CTNNA3: variants seen among roughly 807,000 people sequenced by gnomAD.
CTNNA3 encodes catenin alpha-3.
A neutral mutation model predicts 95.7 loss-of-function variants in CTNNA3; 76 were observed. That is an observed-to-expected ratio of 0.79 (90% CI 0.66 to 0.96). The LOEUF (loss-of-function observed/expected upper bound fraction) is 0.96. CTNNA3 is among the 40% of genes least tolerant of loss of function. The pLI is 0.00. For synonymous variants in CTNNA3, 431 were observed against 374.4 expected (o/e 1.15, Z -1.74); for missense variants, 1,191 against 1,089.8 (o/e 1.09, Z -1.31).
intron 3 of CTNNA3, among the ~76,000 whole-genome samples, chr10:67,577,087 T>A (rs549954319): frequency 6.6e-6 from 1 of 151,000 alleles, no homozygotes; most frequent in South Asian, 2.1e-4. Context: ...GATGGCTGGG[T>A]CAAATGGTAT....
intron 3 of CTNNA3, among the ~76,000 whole-genome samples, chr10:67,569,911 C>T (rs192013772): frequency 5.8e-4 from 88 of 152,178 alleles, no homozygotes; most frequent in African/African-American, 2.0e-3. Flanking sequence ...GACTTTTATT[C>T]TACAATTACC....
At chr10:65,931,511 AAG>A (rs1332742516) in intron 17 of CTNNA3, among the ~76,000 whole-genome samples, 1 of 152,116 alleles carries the variant, frequency 6.6e-6, no homozygotes, top group Non-Finnish European at 1.5e-5. Context: ...CTGGAGCAAC[AAG>A]GTTGTTATCT....
intron 3 of CTNNA3, among the ~76,000 whole-genome samples, chr10:67,555,463 C>A: frequency 6.6e-6 from 1 of 152,106 alleles, no homozygotes; most frequent in East Asian, 1.9e-4. Context: ...TTGAAGAGAT[C>A]CTTCACATAT....
At chr10:66,327,134 TCTAA>T (rs1484398561) in intron 12 of CTNNA3, among the ~76,000 whole-genome samples, 3 of 152,038 alleles carry the variant, frequency 2.0e-5, no homozygotes, top group Admixed American at 6.6e-5. Context: ...AATGTCAAAA[TCTAA>T]CTAACTGAAT....
chr10:67,499,191 T>C (rs529175089), intron 5 of CTNNA3, among the ~76,000 whole-genome samples: 12 of 152,142 alleles, frequency 7.9e-5, no homozygotes, highest in Non-Finnish European at 1.6e-4. Context: ...TATTGAGATA[T>C]TCATGGGTTT....
chr10:66,803,149 T>A (rs1457585859), intron 7 of CTNNA3, among the ~76,000 whole-genome samples: 1 of 152,106 alleles, frequency 6.6e-6, no homozygotes, highest in African/African-American at 2.4e-5. Context: ...GCATCGTTTT[T>A]ATCTTCTTAC....
At chr10:67,749,800 A>C (rs973328823) in intron 1 of CTNNA3, among the ~76,000 whole-genome samples, 1 of 152,222 alleles carries the variant, frequency 6.6e-6, no homozygotes, top group Non-Finnish European at 1.5e-5. Flanking sequence ...AAAGACAAGA[A>C]ATAACTAAGA....
At chr10:67,242,706 G>A (rs1213666001) in intron 5 of CTNNA3, among the ~76,000 whole-genome samples, 1 of 152,148 alleles carries the variant, frequency 6.6e-6, no homozygotes, top group Non-Finnish European at 1.5e-5. Flanking sequence ...GAAGACCTCG[G>A]AAAGATAGGA....
At chr10:66,585,557 T>C (rs1009274564) in intron 10 of CTNNA3, among the ~76,000 whole-genome samples, 1 of 151,940 alleles carries the variant, frequency 6.6e-6, no homozygotes, top group South Asian at 2.1e-4. Context: ...GGCTTTCCTT[T>C]AAAATATCCA....
At chr10:66,920,687 C>A (rs1464758607) in intron 7 of CTNNA3, among the ~76,000 whole-genome samples, 1 of 152,154 alleles carries the variant, frequency 6.6e-6, no homozygotes, top group East Asian at 1.9e-4. Context: ...AAAGCAAGAG[C>A]CAAATCCAGA....
In CTNNA3 at chr10:66,822,244, A is replaced by C. The variant is rs139743128; in HGVS notation, c.1048-46720T>G. On this transcript the variant is annotated intron_variant, in intron 7 of 17. Transcript: ENST00000433211. ...ATAAATGGTGATTCTACGGATGACA[A>C]ATATTTAATATATAAGATGTCATTT... Among the ~76,000 whole-genome samples, 810 of 151,974 alleles carry C rather than the reference A, an allele frequency of 5.3e-3. 5 individuals are homozygous for C. The highest frequency in any genetic ancestry group is 8.2e-3 in the Non-Finnish European group (556 of 67,962).
intron 7 of CTNNA3, among the ~76,000 whole-genome samples, chr10:67,082,965 C>A (rs1156509745): frequency 6.6e-6 from 1 of 152,126 alleles, no homozygotes; most frequent in African/African-American, 2.4e-5. Context: ...AACTGGATTG[C>A]TGAACCAGAC....
At chr10:66,004,531 C>T (rs2078840398) in intron 15 of CTNNA3, among the ~76,000 whole-genome samples, 1 of 152,096 alleles carries the variant, frequency 6.6e-6, no homozygotes, top group South Asian at 2.1e-4. Context: ...ATCCGATGTT[C>T]CCTAGAACCA....
intron 9 of CTNNA3, among the ~76,000 whole-genome samples, chr10:66,743,974 CAAAAAAAAAA>C (rs536825430): frequency 2.1e-3 from 93 of 45,060 alleles, no homozygotes; most frequent in African/African-American, 6.7e-3. Flanking sequence ...GATTCCATCT[CAAAAAAAAAA>C]AAAAAAAAAA....
intron 9 of CTNNA3, among the ~76,000 whole-genome samples, chr10:66,635,538 T>C (rs1320353844): frequency 6.6e-6 from 1 of 152,154 alleles, no homozygotes; most frequent in Non-Finnish European, 1.5e-5. Flanking sequence ...TTAAAGCCAA[T>C]ATAAAGTTTT....
intron 7 of CTNNA3, among the ~76,000 whole-genome samples, chr10:66,997,837 C>G (rs1038253149): frequency 2.0e-5 from 3 of 152,122 alleles, no homozygotes; most frequent in Non-Finnish European, 4.4e-5. Flanking sequence ...ATCACCCAAG[C>G]CAGAAGCCTA....
At chr10:66,972,700 ATTTTTTTTTTT>A (rs56664927) in intron 7 of CTNNA3, among the ~76,000 whole-genome samples, 1 of 108,656 alleles carries the variant, frequency 9.2e-6, no homozygotes, top group African/African-American at 3.4e-5. Context: ...TGTCAAATAG[ATTTTTTTTTTT>A]TTTTTTTTTT....
intron 11 of CTNNA3, among the ~76,000 whole-genome samples, chr10:66,459,846 T>C (rs1325726534): frequency 6.6e-6 from 1 of 152,240 alleles, no homozygotes; most frequent in Non-Finnish European, 1.5e-5. Flanking sequence ...TGTTCCATCA[T>C]TGACTTAAAC....
intron 5 of CTNNA3, among the ~76,000 whole-genome samples, chr10:67,473,399 A>G (rs1274666134): frequency 6.6e-6 from 1 of 152,206 alleles, no homozygotes; most frequent in Non-Finnish European, 1.5e-5. Flanking sequence ...TCCATACTTG[A>G]CTAAAAAAAA....
Sources: gnomAD v4.1 joint callset for allele counts (sites outside exome capture counted in the v4.1 genomes callset) on GRCh38, gnomAD v4.1.1 for gene constraint, MANE v1.5 for transcripts, NCBI Gene and HGNC (gene_info 2026-07-23, HGNC 2026-07-21) for gene names.